MAP4K4: variants seen among roughly 807,000 people sequenced by gnomAD.
MAP4K4 encodes the protein HPK/GCK-like kinase HGK.
MAP4K4 carries 38 observed loss-of-function variants against 189.6 expected under a neutral mutation model. The ratio of observed to expected loss-of-function variants is 0.20; its 90% confidence interval spans 0.15 to 0.26. MAP4K4 has a LOEUF of 0.26. Among genes scored for constraint, MAP4K4 ranks in the 10% least tolerant of loss-of-function variants. The probability of loss-of-function intolerance (pLI) is 1.00; values close to 1 mark genes in which losing one functional copy is unlikely to be tolerated. For synonymous variants in MAP4K4, 610 were observed against 624.3 expected (o/e 0.98, Z 0.34); for missense variants, 1,054 against 1,726.9 (o/e 0.61, Z 6.91).
At chr2:101,787,043 G>C (rs568670029) in intron 2 of MAP4K4, among the ~76,000 whole-genome samples, 2 of 152,234 alleles carry the variant, frequency 1.3e-5, no homozygotes, top group Non-Finnish European at 2.9e-5. Context: ...ATGGATGCTA[G>C]GTATGTATAT....
intron 2 of MAP4K4, among the ~76,000 whole-genome samples, chr2:101,731,395 T>C (rs1289208261): frequency 2.0e-5 from 3 of 151,950 alleles, no homozygotes; most frequent in Non-Finnish European, 4.4e-5. Flanking sequence ...GGATTACAGG[T>C]GTGAGCCACT....
intron 20 of MAP4K4, 71 bp from the exon 21 acceptor site, chr2:101,867,958 C>T (rs1198968723): frequency 1.4e-5 from 21 of 1,504,162 alleles, no homozygotes; most frequent in Admixed American, 1.2e-4. Flanking sequence ...CTTTCTCCCG[C>T]GCTTCCTTGT....
intron 2 of MAP4K4, among the ~76,000 whole-genome samples, chr2:101,705,475 C>T (rs2041836399): frequency 6.6e-6 from 1 of 152,160 alleles, no homozygotes; most frequent in Admixed American, 6.5e-5. Context: ...TTAAGTGGCT[C>T]AACCTCATCA....
At chr2:101,874,036 A>AGT (rs748279180) in intron 25 of MAP4K4, 46 bp from the exon 26 acceptor site, 70 of 1,462,594 alleles carry the variant, frequency 4.8e-5, no homozygotes, top group East Asian at 9.1e-5. Flanking sequence ...AGGCAGGCAT[A>AGT]GTGTGTGTGT....
chr2:101,850,398 A>G (rs906260714), intron 12 of MAP4K4, among the ~76,000 whole-genome samples: 1 of 152,336 alleles, frequency 6.6e-6, no homozygotes, highest in South Asian at 2.1e-4. Flanking sequence ...CCATGCATGC[A>G]TTATGTGTTT....
At chr2:101,789,350 A>G (rs1318040879) in intron 2 of MAP4K4, among the ~76,000 whole-genome samples, 1 of 152,144 alleles carries the variant, frequency 6.6e-6, no homozygotes, top group Non-Finnish European at 1.5e-5. Flanking sequence ...AATTTAGGAA[A>G]CAGGGTTCCA....
At chr2:101,774,537 A>C (rs1575326533) in intron 2 of MAP4K4, among the ~76,000 whole-genome samples, 1 of 152,162 alleles carries the variant, frequency 6.6e-6, no homozygotes, top group Non-Finnish European at 1.5e-5. Flanking sequence ...TGATTGTTAC[A>C]TTAGCAGTGC....
chr2:101,803,263 G>GTGTGTGTA (rs755951852), intron 3 of MAP4K4, among the ~76,000 whole-genome samples: 31 of 142,880 alleles, frequency 2.2e-4, no homozygotes, highest in Non-Finnish European at 4.2e-4. Context: ...GTGTGTGTGT[G>GTGTGTGTA]TATGTATGTG....
chr2:101,737,589 G>A (rs1308672624), intron 2 of MAP4K4, among the ~76,000 whole-genome samples: 2 of 150,204 alleles, frequency 1.3e-5, no homozygotes, highest in Non-Finnish European at 3.0e-5. Flanking sequence ...TAGGTCTGGA[G>A]GTAGGGCTGC....
At chr2:101,870,458 T>C (rs749284893) in intron 23 of MAP4K4, 43 bp downstream of exon 23, 3 of 1,609,074 alleles carry the variant, frequency 1.9e-6, no homozygotes, top group Non-Finnish European at 2.5e-6. Flanking sequence ...GCTTCTCCTG[T>C]GGTCATTAAC....
At position 101,800,544 on chromosome 2, in the gene MAP4K4, G is replaced by T. The variant is rs561706347; in HGVS notation, c.180+9768G>T. On this transcript the variant is annotated intron_variant, in intron 3 of 32. Coordinates refer to ENST00000324219, the Ensembl canonical transcript of MAP4K4. Reference sequence around the variant, plus strand: ...TTAATAATCATACATTTACTAATTTGTTGGCTAGTTTTAAATATAAAAAAG... The same window carrying T: ...TTAATAATCATACATTTACTAATTTTTTGGCTAGTTTTAAATATAAAAAAG... Among the ~76,000 whole-genome samples the T allele has an allele frequency of 1.4e-3, 210 of 152,182 alleles. 2 individuals are homozygous for T. Among genetic ancestry groups the T allele is most frequent in the African/African-American group, 4.8e-3 (200 of 41,502 alleles).
chr2:101,730,480 C>T (rs1409116088), intron 2 of MAP4K4, among the ~76,000 whole-genome samples: 2 of 152,146 alleles, frequency 1.3e-5, no homozygotes, highest in Non-Finnish European at 2.9e-5. Flanking sequence ...GTGGCAGAGA[C>T]ACCCGTGTTT....
intron 2 of MAP4K4, among the ~76,000 whole-genome samples, chr2:101,757,246 A>G (rs147211037): frequency 4.9e-4 from 75 of 152,356 alleles, no homozygotes; most frequent in Admixed American, 9.8e-4. Context: ...TGGAATAATG[A>G]TATGTTAATA....
chr2:101,875,188 C>G (rs1011855812), intron 26 of MAP4K4, among the ~76,000 whole-genome samples: 3 of 152,148 alleles, frequency 2.0e-5, no homozygotes, highest in Non-Finnish European at 4.4e-5. Flanking sequence ...TGTTTTAGAT[C>G]AACTTGCCTA....
intron 1 of MAP4K4, 97 bp from the exon 2 acceptor site, chr2:101,698,376 T>A: frequency 6.9e-6 from 8 of 1,162,600 alleles, no homozygotes; most frequent in Middle Eastern, 2.0e-4. Flanking sequence ...GAAGCCCACC[T>A]CTTTTGTCAC....
chr2:101,756,053 G>A (rs1442149561), intron 2 of MAP4K4, among the ~76,000 whole-genome samples: 4 of 139,608 alleles, frequency 2.9e-5, no homozygotes, highest in African/African-American at 7.9e-5. Context: ...CCATTCTCCC[G>A]CCTCAGCCTC....
chr2:101,736,740 G>A (rs1187332306), intron 2 of MAP4K4, among the ~76,000 whole-genome samples: 10 of 152,186 alleles, frequency 6.6e-5, no homozygotes, highest in Admixed American at 6.5e-4. Context: ...CTGCTTGTGA[G>A]TAATTGTTGA....
chr2:101,856,487 T>TA (rs201307078), intron 13 of MAP4K4, among the ~76,000 whole-genome samples: 18 of 149,884 alleles, frequency 1.2e-4, no homozygotes, highest in African/African-American at 3.2e-4. Flanking sequence ...AATTAACTTT[T>TA]AAAAAAAAAA....
intron 3 of MAP4K4, among the ~76,000 whole-genome samples, chr2:101,804,437 A>C (rs769454055): frequency 3.3e-5 from 5 of 152,052 alleles, no homozygotes; most frequent in Non-Finnish European, 7.4e-5. Context: ...TCTGAGTGCA[A>C]ATTCTGCCTA....
Sources: gnomAD v4.1 joint callset for allele counts (sites outside exome capture counted in the v4.1 genomes callset) on GRCh38, gnomAD v4.1.1 for gene constraint, MANE v1.5 for transcripts, NCBI Gene and HGNC (gene_info 2026-07-23, HGNC 2026-07-21) for gene names.